Variants in LAMC3 observed in about 807,000 individuals in gnomAD.
LAMC3 encodes laminin subunit gamma-3.
A neutral mutation model predicts 173.8 loss-of-function variants in LAMC3; 128 were observed. That is an observed-to-expected ratio of 0.74 (90% confidence interval 0.64 to 0.85). The LOEUF is 0.85. LAMC3 is among the 40% of genes least tolerant of loss of function. The pLI, the probability that LAMC3 is intolerant of heterozygous loss-of-function variation, is 0.00. For missense variants in LAMC3, 2,022 were observed against 2,156.0 expected, an observed-to-expected ratio of 0.94 and a Z score of 1.23; for synonymous variants, 897 against 909.1, an observed-to-expected ratio of 0.99 and a Z score of 0.24.
In LAMC3 at chr9:131,032,534, GTC is replaced by G. The variant is rs1160211297; in HGVS notation, c.809+369_809+370del. ...TCTCTCTCTCTTGCTCTCTCTCGCT[GTC>G]TCTCTCTCTTGCTCTCTCTCGCTCT... On this transcript the variant is annotated intron_variant, in intron 3 of 27. Transcript: ENST00000361069. Among the ~76,000 whole-genome samples, 9 of 58,936 alleles carry G rather than the reference GTC, an allele frequency of 1.5e-4. No homozygotes were observed. In the South Asian group the frequency reaches 1.8e-3, roughly 12 times the overall value. 38.7% of individuals were successfully genotyped at this position (58,936 alleles called of 152,430 possible).
chr9:131,053,064 C>T (rs1834330589), intron 11 of LAMC3, 99 bp downstream of exon 11: 5 of 923,450 alleles, frequency 5.4e-6, no homozygotes, highest in South Asian at 1.4e-5. Flanking sequence ...GCCTTGCGGC[C>T]GGGTGGTTAT....
chr9:131,075,641 C>T (rs577843103), intron 20 of LAMC3, among the ~76,000 whole-genome samples, 190 bp from the exon 21 acceptor site: 1 of 151,468 alleles, frequency 6.6e-6, no homozygotes, highest in South Asian at 2.1e-4. Flanking sequence ...GTAACAGAAA[C>T]AGGGCATGGA....
At chr9:131,053,211 C>T (rs1283278564) in intron 11 of LAMC3, among the ~76,000 whole-genome samples, 1 of 152,162 alleles carries the variant, frequency 6.6e-6, no homozygotes, top group Non-Finnish European at 1.5e-5. Context: ...GAAGGATGGG[C>T]CTCAGAGGCA....
chr9:131,051,976 C>A (rs550721640), intron 9 of LAMC3, among the ~76,000 whole-genome samples: 1 of 152,138 alleles, frequency 6.6e-6, no homozygotes, highest in Non-Finnish European at 1.5e-5. Context: ...GCCTTCTTTC[C>A]GAGTTCAGGG....
chr9:131,042,744 C>A (rs1380222688), intron 7 of LAMC3, among the ~76,000 whole-genome samples: 1 of 151,804 alleles, frequency 6.6e-6, no homozygotes, highest in Non-Finnish European at 1.5e-5. Flanking sequence ...AGCACTACTA[C>A]AACCCTTCTT....
intron 4 of LAMC3, among the ~76,000 whole-genome samples, chr9:131,037,599 G>A (rs2133250410): frequency 6.6e-6 from 1 of 152,236 alleles, no homozygotes; most frequent in East Asian, 1.9e-4. Context: ...GAATTCCTGG[G>A]TGCGTGTTCC....
At chr9:131,072,882 G>A in intron 19 of LAMC3, 47 bp downstream of exon 19, 1 of 1,550,148 alleles carries the variant, frequency 6.5e-7, no homozygotes, top group East Asian at 2.3e-5. Context: ...CCTGGGCATT[G>A]GTCCCTGCCC....
chr9:131,009,629 C>G lies in LAMC3; in HGVS notation c.373+42C>G, dbSNP rs776684838. On this transcript the variant is annotated intron_variant, in intron 1 of 27. Transcript: ENST00000361069. The surrounding 1 kb of genome is among the most constrained non-coding windows in gnomAD (Gnocchi z 4.3). Reference sequence around the variant, plus strand: ...GGCACCGCCACCGCACCCCGTGTCCCCACTCCACTGGGGGTCTGAGGCTGA... The same window carrying G: ...GGCACCGCCACCGCACCCCGTGTCCGCACTCCACTGGGGGTCTGAGGCTGA... The G allele has an allele frequency of 6.5e-6, 10 of 1,548,980 alleles. No homozygotes were observed. The Admixed American group carries it at 1.4e-4, about 21-fold the overall frequency.
intron 1 of LAMC3, among the ~76,000 whole-genome samples, chr9:131,017,894 C>T (rs1383036119): frequency 1.6e-4 from 24 of 150,640 alleles, no homozygotes; most frequent in Admixed American, 1.5e-3. Context: ...GGTGTGGTGG[C>T]GTGTGCCTGT....
At position 131,085,653 on chromosome 9, in the gene LAMC3, C is replaced by G; in HGVS notation, c.4160C>G (p.Ala1387Gly). The change falls in exon 25 of 28, where the codon GCG becomes GGG. Residue 1387 changes from alanine to glycine, a missense_variant. Physicochemically the swap from Ala to Gly is moderately conservative, Grantham distance 60. Coordinates refer to ENST00000361069, the MANE Select transcript of LAMC3 (RefSeq NM_006059.4). The stretch of plus-strand genomic sequence containing the variant: ...CAGGCGGAGAGGATGCTGGGAAACG[C>G]GGCCCCTCTTTCCTCCAGTGCCAAG... ...TKQAERMLGNAAPLSSSAKKK... is the reference protein window; with the variant it reads ...TKQAERMLGNGAPLSSSAKKK... The G allele has an allele frequency of 6.2e-7, 1 of 1,614,180 alleles. No individual in the cohort carries two copies. Among genetic ancestry groups the G allele is most frequent in the Non-Finnish European group, 8.5e-7 (1 of 1,180,036 alleles).
intron 8 of LAMC3, among the ~76,000 whole-genome samples, chr9:131,046,809 G>A (rs1188478081): frequency 2.0e-4 from 31 of 152,040 alleles, no homozygotes; most frequent in Non-Finnish European, 4.4e-5. Flanking sequence ...GGAGCGCCCC[G>A]CACCTTCCGC....
At chr9:131,079,078 TC>T (rs1044166863) in intron 22 of LAMC3, 70 bp from the exon 23 acceptor site, 1 of 1,567,982 alleles carries the variant, frequency 6.4e-7, no homozygotes, top group Non-Finnish European at 8.7e-7. Context: ...GCAGGGCACC[TC>T]CCCCAAGGAG....
Position 131,052,505 on chromosome 9 carries a change from G to A in LAMC3, c.1645G>A (p.Asp549Asn). The change falls in exon 10 of 28, where the codon GAC becomes AAC. Residue 549 changes from aspartate (D) to asparagine (N), a missense_variant. Asp to Asn is a conservative substitution (Grantham distance 23, BLOSUM62 1). Transcript: ENST00000361069. ...CTTGTCTTCAGAGAAGTTCCTGGGA[G>A]ACCAGCGGTTCAGCTATGGGCAGCC... ...ELTAPEKFLG[D>N]QRFSYGQPLI... is the part of the protein sequence containing the mutation. 1 of 1,614,126 alleles carries A rather than the reference G, an allele frequency of 6.2e-7. No individual in the cohort carries two copies. Among genetic ancestry groups the A allele is most frequent in the African/African-American group, 1.3e-5 (1 of 75,070 alleles).
intron 9 of LAMC3, among the ~76,000 whole-genome samples, chr9:131,051,146 A>C (rs1307726994): frequency 6.6e-6 from 1 of 152,170 alleles, no homozygotes; most frequent in East Asian, 1.9e-4. Flanking sequence ...ACAGAATTTG[A>C]GGGATGCACT....
chr9:131,052,988 C>T (rs1230836047), intron 11 of LAMC3, 23 bp downstream of exon 11: 1 of 1,542,948 alleles, frequency 6.5e-7, no homozygotes, highest in Admixed American at 1.7e-5. Context: ...AACCACATGC[C>T]CAAGACCCGA....
At position 131,026,583 on chromosome 9, in the gene LAMC3, G is replaced by A; in HGVS notation, c.672G>A (p.Gly224=). ...PSAYNFEESP[G]LQEWVTSTEL... ...CCTACAACTTCGAGGAGAGCCCTGGGCTGCAGGTCAGGGAGGAGCGGGGCT... is the reference window on the plus strand; with the variant it reads ...CCTACAACTTCGAGGAGAGCCCTGGACTGCAGGTCAGGGAGGAGCGGGGCT... The change falls in exon 2 of 28, where the codon GGG becomes GGA. Residue 224 remains glycine (G), a synonymous_variant. Transcript: ENST00000361069. This position sits in a 1 kb window ranked among gnomAD's most constrained non-coding sequence, Gnocchi z 4.8. 6.3e-7 allele frequency: 1 copy of A among 1,593,176 alleles called. No individual in the cohort carries two copies. The highest frequency in any genetic ancestry group is 8.5e-7 in the Non-Finnish European group (1 of 1,170,628).
intron 14 of LAMC3, 69 bp downstream of exon 14, chr9:131,067,274 C>T: frequency 1.3e-6 from 2 of 1,592,128 alleles, no homozygotes; most frequent in South Asian, 1.1e-5. Context: ...TGGCTCAGGG[C>T]CCAGAAGGGG....
In LAMC3 at chr9:131,079,134, A is replaced by C; in HGVS notation, c.3778-15A>C. The stretch of plus-strand genomic sequence containing the variant: ...TCCTTTCCAGGCCCTGCCTGAGCGC[A>C]TTGTCTCCCTGCAGCCTCAGAAGTC... On this transcript the variant is annotated splice_polypyrimidine_tract_variant and intron_variant, in intron 22 of 27. Transcript: ENST00000361069. 1.9e-6 allele frequency: 3 copies of C among 1,612,054 alleles called. No homozygotes were observed. Among genetic ancestry groups the C allele is most frequent in the Middle Eastern group, 1.6e-4 (1 of 6,062 alleles).
chr9:131,032,602 T>TTCTCTCTCTC lies in LAMC3; in HGVS notation c.809+440_809+449dup, dbSNP rs148698819. ...TCGCTTGCTCTCTTTCTCACTCGCT[T>TTCTCTCTCTC]TCTCTCTCTCTCTCTCTCTCTCACT... is the stretch of plus-strand genomic sequence containing the variant. On this transcript the variant is annotated intron_variant, in intron 3 of 27. Coordinates refer to ENST00000361069, the MANE Select transcript of LAMC3 (RefSeq NM_006059.4). Among the ~76,000 whole-genome samples, 2 of 118,796 alleles carry TTCTCTCTCTC rather than the reference T, an allele frequency of 1.7e-5. 1 individual carries two copies. The highest frequency in any genetic ancestry group is 4.0e-5 in the Non-Finnish European group (2 of 50,280). 77.9% of individuals were successfully genotyped at this position (118,796 alleles called of 152,430 possible). A position where few individuals can be genotyped will look rare whatever the true frequency, so the allele number is the denominator to read the frequency against.
Sources: allele counts gnomAD v4.1 joint callset (sites outside exome capture counted in the v4.1 genomes callset), GRCh38; gene constraint gnomAD v4.1.1; non-coding constraint Gnocchi (gnomAD v3.1); transcripts MANE v1.5; gene names NCBI Gene and HGNC (gene_info 2026-07-23, HGNC 2026-07-21).